The following SCN9A variants were observed in gnomAD, a reference collection of about 807,000 sequenced individuals.
SCN9A encodes the protein sodium voltage-gated channel alpha subunit 9.
Under a neutral mutation model 187.0 loss-of-function variants are expected in SCN9A, and 131 were observed. That is an observed-to-expected ratio of 0.70 (90% confidence interval 0.61 to 0.81). SCN9A has a LOEUF of 0.81. Among genes scored for constraint, SCN9A ranks in the 30% least tolerant of loss-of-function variants. SCN9A has a pLI of 0.00. For missense variants in SCN9A, 2,252 were observed against 2,396.6 expected (o/e 0.94, Z 1.26); for synonymous variants, 809 against 808.6 (o/e 1.00, Z -0.01).
At chr2:166,306,337 T>C (rs1698755803) in intron 4 of SCN9A, among the ~76,000 whole-genome samples, 173 bp downstream of exon 4, 1 of 152,172 alleles carries the variant, frequency 6.6e-6, no homozygotes, top group African/African-American at 2.4e-5. Flanking sequence ...CTAATTTTTC[T>C]AATCTAGCAG....
At chr2:166,225,490 C>T (rs1250646815) in intron 24 of SCN9A, among the ~76,000 whole-genome samples, 1 of 152,078 alleles carries the variant, frequency 6.6e-6, no homozygotes, top group Non-Finnish European at 1.5e-5. Context: ...ATCTAACCTT[C>T]ATCACATACT....
At chr2:166,202,701 A>G (rs552059959) in intron 26 of SCN9A, among the ~76,000 whole-genome samples, 1 of 151,922 alleles carries the variant, frequency 6.6e-6, no homozygotes, top group African/African-American at 2.4e-5. Flanking sequence ...CTCATATGAT[A>G]AAGTTATTAT....
intron 20 of SCN9A, among the ~76,000 whole-genome samples, chr2:166,237,649 T>TA (rs1695377832): frequency 6.6e-6 from 1 of 152,160 alleles, no homozygotes; most frequent in Non-Finnish European, 1.5e-5. Context: ...TTAGCTCACA[T>TA]ATCAGCCAAC....
At chr2:166,302,187 A>AC (rs1698582864) in intron 7 of SCN9A, 6 of 144,922 alleles carry the variant, frequency 4.1e-5, no homozygotes, top group African/African-American at 1.7e-4. Flanking sequence ...ATTAAGATTT[A>AC]TGTATTCACG....
intron 24 of SCN9A, among the ~76,000 whole-genome samples, chr2:166,225,309 G>A (rs548953179): frequency 4.6e-5 from 7 of 152,074 alleles, no homozygotes; most frequent in African/African-American, 1.2e-4. Context: ...CAATTGTCAC[G>A]TATTTCATAA....
At chr2:166,282,576 ACACT>A (rs1697537770) in intron 12 of SCN9A, among the ~76,000 whole-genome samples, 1 of 151,968 alleles carries the variant, frequency 6.6e-6, no homozygotes, top group Non-Finnish European at 1.5e-5. Context: ...ATACACACAC[ACACT>A]CACACACACA....
intron 24 of SCN9A, among the ~76,000 whole-genome samples, chr2:166,214,659 C>A (rs1036174462): frequency 6.7e-6 from 1 of 149,260 alleles, no homozygotes; most frequent in African/African-American, 2.5e-5. Flanking sequence ...GGACTACAGG[C>A]GCCCGCTACC....
rs962467971 is a variant in SCN9A at position 166,303,100 on chromosome 2, T to C, written c.891A>G (p.Glu297=). The C allele has an allele frequency of 6.9e-6, 11 of 1,596,992 alleles. No homozygotes were observed. Among genetic ancestry groups the C allele is most frequent in the African/African-American group, 1.3e-5 (1 of 74,668 alleles). The change falls in exon 7 of 27, where the codon GAA becomes GAG. Residue 297 remains glutamate, a synonymous_variant. Transcript: ENST00000642356. ...ESIMNTLESE[E]DFRKYFYYLE... ...CAAGGACATTCTTACTTCTAAAGTCTTCTTCACTCTCTAGGGTATTCATTA... is the reference window on the plus strand; with the variant it reads ...CAAGGACATTCTTACTTCTAAAGTCCTCTTCACTCTCTAGGGTATTCATTA...
intron 17 of SCN9A, among the ~76,000 whole-genome samples, chr2:166,270,762 G>T (rs1218211455): frequency 2.1e-5 from 3 of 143,726 alleles, no homozygotes; most frequent in African/African-American, 7.7e-5. Flanking sequence ...GCATTTTACT[G>T]ATATATATAT....
chr2:166,284,482 T>C lies in SCN9A; in HGVS notation c.1945A>G (p.Ile649Val). ...TCATCAGAAGTTGCCTTATCTATTA[T>C]CACCTCTGGCAGAAGCTGTCCATTG... ...LPNGQLLPEV[I>V]IDKATSDDSG... The change falls in exon 12 of 27, where the codon ATA becomes GTA. Residue 649 changes from isoleucine (I) to valine (V), a missense_variant. Physicochemically the swap from Ile to Val is conservative, Grantham distance 29. Around this residue, in one of 7 missense-constraint regions of SCN9A, gnomAD observed 1,013 missense variants for 997.4 expected, o/e 1.02. Transcript: ENST00000642356. 6.2e-7 allele frequency: 1 copy of C among 1,613,852 alleles called. No homozygotes were observed. The highest frequency in any genetic ancestry group is 1.1e-5 in the South Asian group (1 of 91,064).
chr2:166,366,449 A>T (rs1293705865), intron 1 of SCN9A, among the ~76,000 whole-genome samples: 2 of 151,912 alleles, frequency 1.3e-5, no homozygotes, highest in Non-Finnish European at 2.9e-5. Context: ...TTGTTTTCAT[A>T]TTTTTGCTAT....
intron 1 of SCN9A, among the ~76,000 whole-genome samples, chr2:166,314,563 C>G (rs1392326239): frequency 6.6e-6 from 1 of 152,116 alleles, no homozygotes; most frequent in Non-Finnish European, 1.5e-5. Flanking sequence ...AACCTCATTA[C>G]TCACCAATGA....
At chr2:166,224,996 C>A (rs895432729) in intron 24 of SCN9A, among the ~76,000 whole-genome samples, 1 of 152,108 alleles carries the variant, frequency 6.6e-6, no homozygotes, top group Non-Finnish European at 1.5e-5. Context: ...TAATAAACAT[C>A]AATCTCCTGC....
intron 1 of SCN9A, among the ~76,000 whole-genome samples, chr2:166,312,816 CTT>C (rs35595054): frequency 6.9e-6 from 1 of 145,924 alleles, no homozygotes; most frequent in African/African-American, 2.5e-5. Context: ...TGAAAGAAAT[CTT>C]TTTTTTTTTT....
chr2:166,315,993 G>A (rs1699098090), intron 1 of SCN9A, among the ~76,000 whole-genome samples: 1 of 152,132 alleles, frequency 6.6e-6, no homozygotes, highest in Admixed American at 6.5e-5. Context: ...TATTTAATGT[G>A]AGAGTAGAGA....
intron 21 of SCN9A, among the ~76,000 whole-genome samples, chr2:166,231,262 C>A (rs1056705128): frequency 1.3e-5 from 2 of 152,172 alleles, no homozygotes; most frequent in Non-Finnish European, 2.9e-5. Context: ...CCTTTCTGCA[C>A]AAAATGAAAC....
intron 15 of SCN9A, 109 bp downstream of exon 15, chr2:166,278,031 T>C (rs1697314776): frequency 1.3e-6 from 1 of 787,014 alleles, no homozygotes; most frequent in African/African-American, 1.8e-5. Flanking sequence ...GATATCAAGA[T>C]ATAATCTTGC....
intron 1 of SCN9A, among the ~76,000 whole-genome samples, chr2:166,342,608 G>A (rs1403223074): frequency 1.3e-5 from 2 of 152,078 alleles, no homozygotes; most frequent in East Asian, 1.9e-4. Flanking sequence ...CTCAATAATA[G>A]CAATACCAAT....
At chr2:166,265,189 G>A (rs1368511765) in intron 17 of SCN9A, among the ~76,000 whole-genome samples, 1 of 151,736 alleles carries the variant, frequency 6.6e-6, no homozygotes. Flanking sequence ...CTTTGTACCT[G>A]TTGACCAATC....
Sources: allele counts gnomAD v4.1 joint callset (sites outside exome capture counted in the v4.1 genomes callset), GRCh38; gene constraint gnomAD v4.1.1; regional missense constraint gnomAD v4.1.1; transcripts MANE v1.5; gene names NCBI Gene and HGNC (gene_info 2026-07-23, HGNC 2026-07-21).